The following CRYBG3 variants were observed in gnomAD, a reference collection of about 807,000 sequenced individuals.
CRYBG3 encodes the protein crystallin beta-gamma domain containing 3, also known as very large A-kinase anchor protein.
A neutral mutation model predicts 244.2 loss-of-function variants in CRYBG3; 127 were observed. The ratio of observed to expected loss-of-function variants is 0.52; its 90% CI spans 0.45 to 0.60. The LOEUF (loss-of-function observed/expected upper bound fraction) is 0.60, where lower values mean the gene tolerates loss of function less well. Ranked by LOEUF, CRYBG3 falls within the 20% of genes least tolerant of loss-of-function variation. The probability of loss-of-function intolerance (pLI) is 0.00; values close to 1 mark genes in which losing one functional copy is unlikely to be tolerated. For synonymous variants in CRYBG3, 1,132 were observed against 1,195.8 expected, an observed-to-expected ratio of 0.95 and a Z score of 1.10; for missense variants, 3,325 against 3,442.5, an observed-to-expected ratio of 0.97 and a Z score of 0.85.
chr3:97,855,215 T>A (rs558468909), intron 2 of CRYBG3, among the ~76,000 whole-genome samples: 1 of 152,254 alleles, frequency 6.6e-6, no homozygotes, highest in African/African-American at 2.4e-5. Flanking sequence ...TAATCTTTTT[T>A]ATGTGCTGTT....
At chr3:97,942,518 AG>A (rs2040254789) in intron 21 of CRYBG3, 75 bp downstream of exon 21, 1 of 1,323,460 alleles carries the variant, frequency 7.6e-7, no homozygotes, top group Admixed American at 2.1e-5. Context: ...TTTTGGGTAA[AG>A]GACATCCTTA....
At chr3:97,879,957 C>T in intron 5 of CRYBG3, 28 bp from the exon 6 acceptor site, 1 of 1,149,562 alleles carries the variant, frequency 8.7e-7, no homozygotes, top group South Asian at 1.3e-5. Flanking sequence ...GTTATTGTAA[C>T]TACTTACTGC....
chr3:97,919,582 C>A (rs2039961797), intron 17 of CRYBG3, among the ~76,000 whole-genome samples: 1 of 151,674 alleles, frequency 6.6e-6, no homozygotes, highest in Non-Finnish European at 1.5e-5. Flanking sequence ...ACAGTGATTA[C>A]AAGAAGACCT....
Position 97,896,104 on chromosome 3 carries a change from C to T in CRYBG3, c.7701+19C>T, listed in dbSNP as rs781093311. On this transcript the variant is annotated intron_variant, in intron 12 of 21. Coordinates refer to ENST00000389622, the MANE Select transcript of CRYBG3 (RefSeq NM_153605.4). ...ACAAGCTGTGAGTTAGCTTCCTTAT[C>T]CTTAATTTTCTACCTTTTAAAAAAT... The T allele has an allele frequency of 6.3e-7, 1 of 1,582,736 alleles. No individual in the cohort carries two copies. Among genetic ancestry groups the T allele is most frequent in the Non-Finnish European group, 8.6e-7 (1 of 1,165,408 alleles).
intron 14 of CRYBG3, 120 bp from the exon 15 acceptor site, chr3:97,900,333 G>A (rs2039691581): frequency 1.6e-6 from 1 of 624,582 alleles, no homozygotes; most frequent in South Asian, 2.0e-5. Flanking sequence ...GGATAACAGA[G>A]GAATACTCTG....
chr3:97,841,206 A>G lies in CRYBG3; in HGVS notation c.150-1989A>G, dbSNP rs566671957. Among the ~76,000 whole-genome samples, 3 of 149,572 alleles carry G rather than the reference A, an allele frequency of 2.0e-5. No individual in the cohort carries two copies. The East Asian group carries it at 5.9e-4, about 29-fold the overall frequency. ...CTCATATATGTGTGTATATATGTAT[A>G]TATGTATATATGTATATGTATATAT... On this transcript the variant is annotated intron_variant, in intron 1 of 21. Transcript: ENST00000389622.
Position 97,894,387 on chromosome 3 carries a change from C to A in CRYBG3, c.7574+1394C>A, listed in dbSNP as rs113154697. Among the ~76,000 whole-genome samples, 10 of 152,066 alleles carry A rather than the reference C, an allele frequency of 6.6e-5. 1 individual carries two copies. Among genetic ancestry groups the A allele is most frequent in the African/African-American group, 2.4e-4 (10 of 41,520 alleles). ...CATCTGCAAGAGAAAGATGTGATGT[C>A]CCCATTTAAAGAGGAATAGCTGATT... On this transcript the variant is annotated intron_variant, in intron 11 of 21. Transcript: ENST00000389622.
chr3:97,933,950 C>T (rs2040131070), intron 18 of CRYBG3, 117 bp downstream of exon 18: 14 of 737,058 alleles, frequency 1.9e-5, no homozygotes, highest in Non-Finnish European at 2.8e-5. Context: ...GAGGAAGAGC[C>T]CTTTGGAAGA....
At chr3:97,883,692 CT>C (rs1241409906) in intron 7 of CRYBG3, among the ~76,000 whole-genome samples, 2 of 151,950 alleles carry the variant, frequency 1.3e-5, no homozygotes, top group African/African-American at 4.8e-5. Context: ...AGGTTAACAA[CT>C]TTTAGTGAGG....
chr3:97,871,595 C>T (rs537189527), intron 3 of CRYBG3, among the ~76,000 whole-genome samples: 2 of 152,242 alleles, frequency 1.3e-5, no homozygotes, highest in Non-Finnish European at 2.9e-5. Flanking sequence ...TGTATGTAAT[C>T]AGGTAAGAAG....
intron 12 of CRYBG3, among the ~76,000 whole-genome samples, chr3:97,898,182 T>C (rs960137493): frequency 6.6e-6 from 1 of 150,920 alleles, no homozygotes; most frequent in African/African-American, 2.4e-5. Context: ...ATCACACCAT[T>C]GCACTCCAGC....
chr3:97,903,871 G>C (rs1288005265), intron 15 of CRYBG3, among the ~76,000 whole-genome samples: 1 of 152,168 alleles, frequency 6.6e-6, no homozygotes, highest in African/African-American at 2.4e-5. Flanking sequence ...AAGCAAACCA[G>C]AGGAATACTT....
chr3:97,842,567 A>T (rs2038836666), intron 1 of CRYBG3, among the ~76,000 whole-genome samples: 1 of 152,146 alleles, frequency 6.6e-6, no homozygotes, highest in Non-Finnish European at 1.5e-5. Context: ...AAAGAAAAAA[A>T]AAATCTTAAA....
chr3:97,922,780 C>A (rs964118100), intron 17 of CRYBG3, among the ~76,000 whole-genome samples: 1 of 152,092 alleles, frequency 6.6e-6, no homozygotes, highest in Non-Finnish European at 1.5e-5. Flanking sequence ...GACAGTGTGG[C>A]GATTCCTCAA....
chr3:97,843,235 A>G lies in CRYBG3; in HGVS notation c.190A>G (p.Asn64Asp). Reference protein sequence around the residue: ...EPMSTSQKKENVLSSEAVKIR... With the variant: ...EPMSTSQKKEDVLSSEAVKIR... Reference sequence around the variant, plus strand: ...CATGAGCACAAGTCAGAAAAAGGAAAATGTACTTTCATCAGAAGCAGTAAA... The same window carrying G: ...CATGAGCACAAGTCAGAAAAAGGAAGATGTACTTTCATCAGAAGCAGTAAA... The change falls in exon 2 of 22, where the codon AAT (asparagine) becomes GAT (aspartate). Residue 64 changes from asparagine to aspartate, a missense_variant. Asn to Asp is a conservative substitution (Grantham distance 23). Around this residue, in one of 4 missense-constraint regions of CRYBG3, gnomAD observed 1,526 missense variants for 1,443.2 expected, o/e 1.06. Transcript: ENST00000389622. The G allele has an allele frequency of 1.3e-6, 2 of 1,515,672 alleles. No individual in the cohort carries two copies. Among genetic ancestry groups the G allele is most frequent in the Non-Finnish European group, 1.8e-6 (2 of 1,131,800 alleles). 93.9% of individuals were successfully genotyped at this position (1,515,672 alleles called of 1,614,324 possible).
intron 11 of CRYBG3, 86 bp downstream of exon 11, chr3:97,893,079 T>C (rs1470051801): frequency 2.6e-6 from 3 of 1,170,498 alleles, no homozygotes; most frequent in Non-Finnish European, 3.6e-6. Context: ...AAAAATGATT[T>C]GTTTTTAATC....
intron 17 of CRYBG3, among the ~76,000 whole-genome samples, chr3:97,928,292 A>G (rs1405490561): frequency 6.6e-6 from 1 of 152,106 alleles, no homozygotes; most frequent in Non-Finnish European, 1.5e-5. Context: ...TCTGAAGCTT[A>G]TTAACACAAG....
At chr3:97,829,008 G>A (rs2108152873) in intron 1 of CRYBG3, among the ~76,000 whole-genome samples, 1 of 152,144 alleles carries the variant, frequency 6.6e-6, no homozygotes, top group South Asian at 2.1e-4. Context: ...GGGATGAGAG[G>A]CAGGAGAAAG....
chr3:97,863,359 G>A (rs990157438), intron 2 of CRYBG3, among the ~76,000 whole-genome samples: 2 of 152,134 alleles, frequency 1.3e-5, no homozygotes, highest in African/African-American at 4.8e-5. Flanking sequence ...TAGCAGCTCA[G>A]TTTTTCCTCA....
Sources: allele counts gnomAD v4.1 joint callset (sites outside exome capture counted in the v4.1 genomes callset), GRCh38; gene constraint gnomAD v4.1.1; regional missense constraint gnomAD v4.1.1; transcripts MANE v1.5; gene names NCBI Gene and HGNC (gene_info 2026-07-23, HGNC 2026-07-21).